Variants in ANKRD33B observed in about 807,000 individuals in gnomAD.
ANKRD33B encodes the protein ankyrin repeat domain 33B.
In ANKRD33B, 6 loss-of-function variants were observed where a neutral mutation model predicts 21.5. That is an observed-to-expected ratio of 0.28 (90% CI 0.15 to 0.55). The LOEUF (loss-of-function observed/expected upper bound fraction) is 0.55, where lower values mean the gene tolerates loss of function less well. Among genes scored for constraint, ANKRD33B ranks in the 20% least tolerant of loss-of-function variants. The pLI, the probability that ANKRD33B is intolerant of heterozygous loss-of-function variation, is 0.94. For missense variants in ANKRD33B, 698 were observed against 747.2 expected, an observed-to-expected ratio of 0.93 and a Z score of 0.77; for synonymous variants, 347 against 342.4, an observed-to-expected ratio of 1.01 and a Z score of -0.15.
chr5:10,578,330 G>A (rs34253305), intron 1 of ANKRD33B, among the ~76,000 whole-genome samples: 44,583 of 152,146 alleles, frequency 0.29, 6,976 homozygotes, highest in Admixed American at 0.46. Flanking sequence ...CCTAAGAGAA[G>A]CTGAAGGACC....
At chr5:10,573,398 G>A (rs1180249789) in intron 1 of ANKRD33B, among the ~76,000 whole-genome samples, 1 of 151,414 alleles carries the variant, frequency 6.6e-6, no homozygotes, top group East Asian at 1.9e-4. Context: ...AACCTCGGAG[G>A]CGGGGGTTGC....
At chr5:10,597,054 A>G (rs1210384046) in intron 1 of ANKRD33B, among the ~76,000 whole-genome samples, 1 of 152,192 alleles carries the variant, frequency 6.6e-6, no homozygotes, top group Non-Finnish European at 1.5e-5. Context: ...GTAGCACTAA[A>G]TATGGAAAGG....
Position 10,649,920 on chromosome 5 carries a change from C to T in ANKRD33B, c.1292C>T (p.Ala431Val). 6.6e-7 allele frequency: 1 copy of T among 1,522,854 alleles called. No individual in the cohort carries two copies. The highest frequency in any genetic ancestry group is 8.8e-7 in the Non-Finnish European group (1 of 1,140,968). The allele number at this position is 1,522,854 out of a possible 1,614,324, so 94.3% of individuals were successfully genotyped here. A position where few individuals can be genotyped will look rare whatever the true frequency, so the allele number is the denominator to read the frequency against. ...GTGCCCCGGGTCCGAGTCAGCAAGG[C>T]GCCCGCGCCCACCTTCCAGCCCGAG... is the stretch of plus-strand genomic sequence containing the variant. ...VVVPRVRVSK[A>V]PAPTFQPERP... The change falls in exon 4 of 4, where the codon GCG (alanine) becomes GTG (valine). Residue 431 changes from alanine to valine, a missense_variant. Coordinates refer to ENST00000296657, the MANE Select transcript of ANKRD33B (RefSeq NM_001164440.2).
intron 3 of ANKRD33B, among the ~76,000 whole-genome samples, chr5:10,642,999 G>T (rs1006602740): frequency 6.6e-6 from 1 of 152,070 alleles, no homozygotes; most frequent in Non-Finnish European, 1.5e-5. Flanking sequence ...CTGCCTCCTG[G>T]GTTCAAGCAA....
intron 3 of ANKRD33B, among the ~76,000 whole-genome samples, chr5:10,647,700 T>A (rs1737219788): frequency 6.6e-6 from 1 of 152,040 alleles, no homozygotes; most frequent in Non-Finnish European, 1.5e-5. Context: ...GGTTGGTGAG[T>A]CTGAAACTGG....
chr5:10,595,553 G>A (rs1011863795), intron 1 of ANKRD33B, among the ~76,000 whole-genome samples: 4 of 152,160 alleles, frequency 2.6e-5, no homozygotes, highest in Non-Finnish European at 5.9e-5. Context: ...CACAGCGACC[G>A]GGGTTAGGAT....
At chr5:10,646,942 C>T (rs1336221140) in intron 3 of ANKRD33B, among the ~76,000 whole-genome samples, 3 of 152,176 alleles carry the variant, frequency 2.0e-5, no homozygotes, top group African/African-American at 2.4e-5. Flanking sequence ...GTTCAGCACA[C>T]GTTGATCAGC....
chr5:10,618,191 T>C, intron 1 of ANKRD33B, 142 bp from the exon 2 acceptor site: 3 of 1,140,400 alleles, frequency 2.6e-6, no homozygotes, highest in South Asian at 1.5e-5. Flanking sequence ...CTCTAAACCA[T>C]CTCTGAGAAT....
In ANKRD33B at chr5:10,564,424, TCCTGCCCGCGCCCCGGCCC is replaced by T. The variant is rs1467852165; in HGVS notation, c.-41_-23del. On this transcript the variant is annotated 5_prime_UTR_variant, in exon 1 of 4. Transcript: ENST00000296657. Reference sequence around the variant, plus strand: ...CGGCGCGCGCCCCGCGTCCCGCTCTTCCTGCCCGCGCCCCGGCCCCCGGCCCGCGCCCCGGCCGCCGGCA... The same window carrying T: ...CGGCGCGCGCCCCGCGTCCCGCTCTTCCGGCCCGCGCCCCGGCCGCCGGCA... 2.9e-6 allele frequency: 3 copies of T among 1,035,498 alleles called. No homozygotes were observed. In the African/African-American group the frequency reaches 5.2e-5, roughly 18 times the overall value. The allele number at this position is 1,035,498 out of a possible 1,614,324, so 64.1% of individuals were successfully genotyped here.
intron 2 of ANKRD33B, among the ~76,000 whole-genome samples, chr5:10,630,885 AAG>A (rs1553994242): frequency 6.9e-6 from 1 of 144,390 alleles, no homozygotes; most frequent in Admixed American, 6.8e-5. Context: ...AAAAAAAAAA[AAG>A]AAGAAGAAAT....
At chr5:10,620,440 A>G (rs1177984869) in intron 2 of ANKRD33B, among the ~76,000 whole-genome samples, 1 of 152,188 alleles carries the variant, frequency 6.6e-6, no homozygotes, top group Non-Finnish European at 1.5e-5. Context: ...GAGCTCCAAA[A>G]TCTGGTCCCT....
chr5:10,625,680 ACTTG>A (rs1560978897), intron 2 of ANKRD33B, among the ~76,000 whole-genome samples: 2 of 152,240 alleles, frequency 1.3e-5, no homozygotes, highest in Admixed American at 6.5e-5. Context: ...AACATGAAGT[ACTTG>A]CTTCTTAAAT....
At chr5:10,573,950 C>G (rs1310050895) in intron 1 of ANKRD33B, among the ~76,000 whole-genome samples, 1 of 152,224 alleles carries the variant, frequency 6.6e-6, no homozygotes, top group Non-Finnish European at 1.5e-5. Flanking sequence ...ATCATCAGAT[C>G]TACAAACAGG....
At chr5:10,585,287 A>T (rs12657745) in intron 1 of ANKRD33B, among the ~76,000 whole-genome samples, 15,801 of 152,242 alleles carry the variant, frequency 0.1, 1,290 homozygotes, top group African/African-American at 0.22. Flanking sequence ...ACTTAGATCA[A>T]TGCCTTTTCA....
chr5:10,569,028 A>G (rs938346219), intron 1 of ANKRD33B, among the ~76,000 whole-genome samples: 1 of 152,194 alleles, frequency 6.6e-6, no homozygotes, highest in Non-Finnish European at 1.5e-5. Flanking sequence ...CTTGAAATGT[A>G]TGTGAGAAAG....
chr5:10,614,562 C>A (rs1736241966), intron 1 of ANKRD33B, among the ~76,000 whole-genome samples: 1 of 152,186 alleles, frequency 6.6e-6, no homozygotes, highest in Non-Finnish European at 1.5e-5. Flanking sequence ...TGAGCCACTG[C>A]ACCTGGCCTC....
At chr5:10,638,420 G>A (rs1016729734) in intron 3 of ANKRD33B, among the ~76,000 whole-genome samples, 8 of 150,458 alleles carry the variant, frequency 5.3e-5, no homozygotes, top group African/African-American at 2.0e-4. Context: ...TCCCTCACCT[G>A]CTGTTTTCCT....
At chr5:10,602,058 C>T (rs112066371) in intron 1 of ANKRD33B, among the ~76,000 whole-genome samples, 7 of 152,246 alleles carry the variant, frequency 4.6e-5, no homozygotes, top group African/African-American at 9.6e-5. Flanking sequence ...AAGGTGGGTG[C>T]GTTGCCCCAC....
chr5:10,641,565 C>A (rs1008808461), intron 3 of ANKRD33B, among the ~76,000 whole-genome samples: 1 of 151,978 alleles, frequency 6.6e-6, no homozygotes, highest in Non-Finnish European at 1.5e-5. Context: ...TCTGTCATAA[C>A]CTGTTGCCCA....
Sources: gnomAD v4.1 joint callset for allele counts (sites outside exome capture counted in the v4.1 genomes callset) on GRCh38, gnomAD v4.1.1 for gene constraint, MANE v1.5 for transcripts, NCBI Gene and HGNC (gene_info 2026-07-23, HGNC 2026-07-21) for gene names.